The following ATXN7L1 variants were observed in gnomAD, a reference collection of about 807,000 sequenced individuals.
The protein encoded by ATXN7L1 is ataxin 7 like 1, also known as ataxin-7-like protein 1.
ATXN7L1 carries 15 observed loss-of-function variants against 70.8 expected under a neutral mutation model. The ratio of observed to expected loss-of-function variants is 0.21; its 90% CI spans 0.14 to 0.33. The LOEUF is 0.33. Ranked by LOEUF, ATXN7L1 falls within the 10% of genes least tolerant of loss-of-function variation. ATXN7L1 has a pLI of 1.00. For missense variants in ATXN7L1, 975 were observed against 1,097.1 expected (o/e 0.89, Z 1.57); for synonymous variants, 440 against 445.1 (o/e 0.99, Z 0.14).
chr7:105,873,062 G>A (rs1818507646), intron 2 of ATXN7L1, among the ~76,000 whole-genome samples: 1 of 152,212 alleles, frequency 6.6e-6, no homozygotes. Flanking sequence ...GTTGAGGCAG[G>A]AGAAGGGTGT....
intron 3 of ATXN7L1, among the ~76,000 whole-genome samples, chr7:105,747,476 C>G (rs1798713799): frequency 6.6e-6 from 1 of 152,196 alleles, no homozygotes; most frequent in African/African-American, 2.4e-5. Context: ...CCTTATGTAT[C>G]TCTTTATCTG....
At chr7:105,867,581 G>C (rs898339315) in intron 2 of ATXN7L1, among the ~76,000 whole-genome samples, 3 of 152,168 alleles carry the variant, frequency 2.0e-5, no homozygotes, top group Non-Finnish European at 4.4e-5. Flanking sequence ...GGTTCCCTGG[G>C]GGACCGAGGC....
In ATXN7L1 at chr7:105,617,617, T is replaced by C. The variant is rs80336808; in HGVS notation, c.1517+2583A>G. ...CCTTCCCCGCCAAGGCTAAACAGTT[T>C]ATGTGTTTTTCTAGGTGTCAAATGG... On this transcript the variant is annotated intron_variant, in intron 9 of 11. Coordinates refer to ENST00000419735, the MANE Select transcript of ATXN7L1 (RefSeq NM_020725.2). Among the ~76,000 whole-genome samples the C allele has an allele frequency of 9.8e-3, 1,499 of 152,310 alleles. 27 individuals carry two copies. The highest frequency in any genetic ancestry group is 0.034 in the African/African-American group (1,414 of 41,576).
chr7:105,767,790 T>C (rs1425904795), intron 3 of ATXN7L1, among the ~76,000 whole-genome samples: 2 of 152,170 alleles, frequency 1.3e-5, no homozygotes, highest in Admixed American at 6.5e-5. Flanking sequence ...CTCTGCTGCC[T>C]CTCCGATAGA....
At chr7:105,653,098 C>T (rs1415753319) in intron 4 of ATXN7L1, among the ~76,000 whole-genome samples, 1 of 152,176 alleles carries the variant, frequency 6.6e-6, no homozygotes, top group Non-Finnish European at 1.5e-5. Context: ...TCACACTGAC[C>T]TACAGCAAAC....
intron 3 of ATXN7L1, among the ~76,000 whole-genome samples, chr7:105,717,867 C>G (rs1794748090): frequency 6.6e-6 from 1 of 152,114 alleles, no homozygotes; most frequent in Non-Finnish European, 1.5e-5. Flanking sequence ...TGAGTTTCCT[C>G]CATTTTGCCT....
At position 105,624,227 on chromosome 7, in the gene ATXN7L1, T is replaced by C. The variant is rs1448912950; in HGVS notation, c.1243A>G (p.Asn415Asp). The C allele has an allele frequency of 4.7e-6, 7 of 1,498,274 alleles. No homozygotes were observed. The highest frequency in any genetic ancestry group is 5.4e-6 in the Non-Finnish European group (6 of 1,117,500). 92.8% of individuals were successfully genotyped at this position (1,498,274 alleles called of 1,614,324 possible). Residue 415 changes from asparagine (N) to aspartate (D), a missense_variant, in exon 8 of 12, where the codon AAT becomes GAT. Physicochemically the swap from Asn to Asp is conservative, Grantham distance 23 (BLOSUM62 1). Around this residue, in one of 5 missense-constraint regions of ATXN7L1, gnomAD observed 635 missense variants for 699.4 expected, o/e 0.91. Transcript: ENST00000419735. ...GGCTCTGGAGTGTGGCCGCTATGATTTGAAGATGTGCTGCTGCTTATGCTA... is the reference window on the plus strand; with the variant it reads ...GGCTCTGGAGTGTGGCCGCTATGATCTGAAGATGTGCTGCTGCTTATGCTA... ...ANSISSSTSS[N>D]HSGHTPEPPL...
chr7:105,720,141 C>G (rs1795017436), intron 3 of ATXN7L1, among the ~76,000 whole-genome samples: 1 of 152,220 alleles, frequency 6.6e-6, no homozygotes, highest in South Asian at 2.1e-4. Flanking sequence ...AAATCTTGAT[C>G]TTGGTATAGC....
At chr7:105,829,805 G>A (rs1212988418) in intron 2 of ATXN7L1, among the ~76,000 whole-genome samples, 1 of 152,214 alleles carries the variant, frequency 6.6e-6, no homozygotes, top group African/African-American at 2.4e-5. Flanking sequence ...AAAATCACAA[G>A]CACTTAACAA....
At chr7:105,789,381 T>C (rs1563094081) in intron 2 of ATXN7L1, among the ~76,000 whole-genome samples, 1 of 152,136 alleles carries the variant, frequency 6.6e-6, no homozygotes, top group South Asian at 2.1e-4. Flanking sequence ...GAGAGAAGCA[T>C]TAGGCAGACC....
intron 7 of ATXN7L1, among the ~76,000 whole-genome samples, chr7:105,632,382 A>G (rs546772680): frequency 6.6e-6 from 1 of 152,380 alleles, no homozygotes; most frequent in Non-Finnish European, 1.5e-5. Flanking sequence ...TTAAAATACC[A>G]TTTTTGAAGA....
intron 3 of ATXN7L1, among the ~76,000 whole-genome samples, chr7:105,735,804 TG>T (rs1185422100): frequency 6.6e-6 from 1 of 152,314 alleles, no homozygotes; most frequent in African/African-American, 2.4e-5. Context: ...TTTCCTGCTA[TG>T]GATGGGAGGT....
rs796817200 is a variant in ATXN7L1 at position 105,629,071 on chromosome 7, G to A, written c.1203-4804C>T. On this transcript the variant is annotated intron_variant, in intron 7 of 11. Coordinates refer to ENST00000419735, the MANE Select transcript of ATXN7L1 (RefSeq NM_020725.2). ...TTCACAGGAACTCCTGGGCCCACAG[G>A]ATCTTCCCAGCTCAGCCTCCCTAGT... Among the ~76,000 whole-genome samples the A allele has an allele frequency of 1.1e-4, 17 of 152,070 alleles. No homozygotes were observed. In the East Asian group the frequency reaches 3.3e-3, roughly 29 times the overall value.
chr7:105,635,577 C>A (rs1028114509), intron 7 of ATXN7L1, among the ~76,000 whole-genome samples: 5 of 152,234 alleles, frequency 3.3e-5, no homozygotes, highest in South Asian at 2.1e-4. Context: ...CCAAGCTTAC[C>A]TAGTTGGTAG....
At chr7:105,759,477 TGTGTGTG>T (rs1563070768) in intron 3 of ATXN7L1, among the ~76,000 whole-genome samples, 4 of 120,148 alleles carry the variant, frequency 3.3e-5, no homozygotes, top group East Asian at 2.4e-4. Flanking sequence ...TGTGTGTGTG[TGTGTGTG>T]TGTGTGTATG....
At chr7:105,761,191 G>C in intron 3 of ATXN7L1, 2 of 1,398,692 alleles carry the variant, frequency 1.4e-6, no homozygotes, top group Non-Finnish European at 1.9e-6. Flanking sequence ...GGTACCCCCT[G>C]CTCTGCTCAA....
chr7:105,686,758 T>C (rs1806230944), intron 3 of ATXN7L1, among the ~76,000 whole-genome samples: 1 of 152,224 alleles, frequency 6.6e-6, no homozygotes, highest in African/African-American at 2.4e-5. Context: ...TTCTATGGAA[T>C]GCATGTCACT....
intron 3 of ATXN7L1, among the ~76,000 whole-genome samples, chr7:105,686,772 G>T (rs569503213): frequency 6.6e-6 from 1 of 152,188 alleles, no homozygotes; most frequent in African/African-American, 2.4e-5. Context: ...TGTCACTTCT[G>T]TACCATCTTG....
chr7:105,607,266 G>T lies in ATXN7L1; in HGVS notation c.*586C>A, dbSNP rs1345674702. ...ATGGTGGGCTGTGGAAACTGGATGA[G>T]GGAACCCCACCCACCCTCCAACTCT... On this transcript the variant is annotated 3_prime_UTR_variant, in exon 12 of 12. Transcript: ENST00000419735. 6.5e-6 allele frequency: 1 copy of T among 153,292 alleles called. No homozygotes were observed. The highest frequency in any genetic ancestry group is 1.5e-5 in the Non-Finnish European group (1 of 68,910). 9.5% of individuals were successfully genotyped at this position (153,292 alleles called of 1,614,324 possible). A position where few individuals can be genotyped will look rare whatever the true frequency, so the allele number is the denominator to read the frequency against.
Sources: allele counts gnomAD v4.1 joint callset (sites outside exome capture counted in the v4.1 genomes callset), GRCh38; gene constraint gnomAD v4.1.1; regional missense constraint gnomAD v4.1.1; transcripts MANE v1.5; gene names NCBI Gene and HGNC (gene_info 2026-07-23, HGNC 2026-07-21).